Variants in TDO2 observed in about 807,000 individuals in gnomAD.
TDO2 encodes tryptophan 2,3-dioxygenase, also known as tryptamin 2,3-dioxygenase.
A neutral mutation model predicts 61.2 loss-of-function variants in TDO2; 63 were observed. That is an observed-to-expected ratio of 1.03 (90% confidence interval 0.84 to 1.27). TDO2 has a LOEUF of 1.27. TDO2 is among the 50% of genes most tolerant of loss of function. The probability of loss-of-function intolerance (pLI) is 0.00; values close to 1 mark genes in which losing one functional copy is unlikely to be tolerated. For synonymous variants in TDO2, 183 were observed against 164.0 expected (o/e 1.12, Z -0.89); for missense variants, 494 against 469.5 (o/e 1.05, Z -0.48).
intron 11 of TDO2, among the ~76,000 whole-genome samples, chr4:155,918,492 C>T (rs1444772269): frequency 6.6e-6 from 1 of 152,164 alleles, no homozygotes; most frequent in African/African-American, 2.4e-5. Flanking sequence ...TGTGAGGACA[C>T]AAAGGGTTTA....
In TDO2 at chr4:155,920,008, A is replaced by C; in HGVS notation, c.*18A>C. On this transcript the variant is annotated 3_prime_UTR_variant, in exon 12 of 12. Transcript: ENST00000536354. ...CAGATTAAAATCGTCTGCAAAATCT[A>C]TGAAGAATACTGGTTTCACAGCCTA... 1 of 1,609,340 alleles carries C rather than the reference A, an allele frequency of 6.2e-7. No individual in the cohort carries two copies. The highest frequency in any genetic ancestry group is 8.5e-7 in the Non-Finnish European group (1 of 1,177,666).
chr4:155,916,324 C>T (rs1298919181), intron 9 of TDO2, among the ~76,000 whole-genome samples: 3 of 141,804 alleles, frequency 2.1e-5, no homozygotes, highest in East Asian at 2.0e-4. Context: ...CCCACCACCA[C>T]GCCAGGCTAA....
Position 155,910,033 on chromosome 4 carries a change from T to A in TDO2, c.440T>A (p.Leu147Ter). The change falls in exon 6 of 12, where the codon TTA becomes TAA. Residue 147 changes from leucine to a stop codon, truncating the protein, a stop_gained. Coordinates refer to ENST00000536354, the MANE Select transcript of TDO2 (RefSeq NM_005651.4). LOFTEE classifies it high-confidence loss of function. ...ALDFNDFREY[L>*]SPASGFQSLQ... ...ACCATTTAATCTCAAAGAGAGTACT[T>A]ATCTCCAGCATCAGGCTTCCAGAGT... 6.4e-7 allele frequency: 1 copy of A among 1,564,498 alleles called. No individual in the cohort carries two copies. The highest frequency in any genetic ancestry group is 2.0e-5 in the Admixed American group (1 of 49,506).
chr4:155,909,872 TCCTCTCCCCTCCCCTCCCCTCCCCTCC>T (rs1560776343), intron 5 of TDO2, among the ~76,000 whole-genome samples, 126 bp from the exon 6 acceptor site: 63 of 35,328 alleles, frequency 1.8e-3, no homozygotes, highest in Non-Finnish European at 2.5e-3. Context: ...TCCTCTGGAC[TCCTCTCCCCTCCCCTCCCCTCCCCTCC>T]CCTCTCCCCT....
chr4:155,907,810 A>C lies in TDO2; in HGVS notation c.303+18A>C. On this transcript the variant is annotated intron_variant, in intron 4 of 11. Transcript: ENST00000536354. ...ATGGCCATGTAAGTTCTTATGTCAC[A>C]ATATTGGTTTCATGTATATTTTTGG... 6.3e-7 allele frequency: 1 copy of C among 1,591,574 alleles called. No homozygotes were observed. The highest frequency in any genetic ancestry group is 8.6e-7 in the Non-Finnish European group (1 of 1,161,852).
chr4:155,915,395 C>A (rs1742913122), intron 8 of TDO2, among the ~76,000 whole-genome samples: 1 of 152,136 alleles, frequency 6.6e-6, no homozygotes, highest in South Asian at 2.1e-4. Context: ...GGGAGAAAGT[C>A]TTTCATTAGA....
chr4:155,913,682 A>C (rs759073571), intron 7 of TDO2, among the ~76,000 whole-genome samples: 26 of 152,136 alleles, frequency 1.7e-4, no homozygotes, highest in Non-Finnish European at 3.2e-4. Flanking sequence ...AATTTGAAAT[A>C]ATATGCATAT....
At chr4:155,907,321 C>T (rs1450418517) in intron 3 of TDO2, 2 of 157,892 alleles carry the variant, frequency 1.3e-5, no homozygotes, top group Non-Finnish European at 2.8e-5. Context: ...TACAGTCTTT[C>T]ATTTAGGTTA....
rs932719537 is a variant in TDO2 at position 155,917,890 on chromosome 4, A to G, written c.977-259A>G. 2.0e-5 allele frequency among the ~76,000 whole-genome samples: 3 copies of G among 152,122 alleles called. No homozygotes were observed. In the East Asian group the frequency reaches 5.8e-4, roughly 29 times the overall value. On this transcript the variant is annotated intron_variant, in intron 10 of 11. Coordinates refer to ENST00000536354, the MANE Select transcript of TDO2 (RefSeq NM_005651.4). ...GTGGCATGGACTCATGAGTCATATT[A>G]TGATCCTGGTCTCTTCTATTGTATC... is the stretch of plus-strand genomic sequence containing the variant.
chr4:155,909,198 C>G (rs1268558986), intron 5 of TDO2, among the ~76,000 whole-genome samples, 184 bp downstream of exon 5: 1 of 152,066 alleles, frequency 6.6e-6, no homozygotes, highest in East Asian at 1.9e-4. Flanking sequence ...TTTTATTATT[C>G]ATTTTTACAT....
chr4:155,907,905 A>G (rs1224328109), intron 4 of TDO2, 113 bp downstream of exon 4: 1 of 712,720 alleles, frequency 1.4e-6, no homozygotes, highest in African/African-American at 1.8e-5. Context: ...TTTTAATGAT[A>G]GAACAAACAG....
chr4:155,918,287 T>C, intron 11 of TDO2, 48 bp downstream of exon 11: 1 of 1,575,080 alleles, frequency 6.3e-7, no homozygotes, highest in Non-Finnish European at 8.7e-7. Context: ...CACCAACAAT[T>C]TGTTTCTCCA....
At chr4:155,905,475 A>G (rs988898796) in intron 3 of TDO2, 3 of 234,748 alleles carry the variant, frequency 1.3e-5, no homozygotes, top group Admixed American at 5.9e-5. Context: ...TCGGAACACT[A>G]AAAAACTATT....
At chr4:155,914,590 T>A (rs1742896589) in intron 8 of TDO2, among the ~76,000 whole-genome samples, 156 bp downstream of exon 8, 1 of 152,170 alleles carries the variant, frequency 6.6e-6, no homozygotes, top group Admixed American at 6.5e-5. Context: ...TTTTTGGTGA[T>A]AAACCTATTT....
At chr4:155,909,844 CTCTCT>C (rs1428444318) in intron 5 of TDO2, among the ~76,000 whole-genome samples, 176 bp from the exon 6 acceptor site, 1 of 131,416 alleles carries the variant, frequency 7.6e-6, no homozygotes. Flanking sequence ...CTCTCCTCTC[CTCTCT>C]TCTCCTCTCC....
intron 3 of TDO2, chr4:155,907,067 G>A (rs1487108393): frequency 1.3e-5 from 2 of 152,128 alleles, no homozygotes; most frequent in East Asian, 1.9e-4. Flanking sequence ...AATAAACCTT[G>A]GACTCATGGA....
chr4:155,903,703 T>C lies in TDO2; in HGVS notation c.-56T>C, dbSNP rs1742665813. 2 of 1,605,300 alleles carry C rather than the reference T, an allele frequency of 1.2e-6. No individual in the cohort carries two copies. The highest frequency in any genetic ancestry group is 8.5e-7 in the Non-Finnish European group (1 of 1,172,114). The stretch of plus-strand genomic sequence containing the variant: ...GCTGTAGAACATCTGGGAAGGTCAA[T>C]GATAGCATCTGCCTAGAGTCAAACC... On this transcript the variant is annotated 5_prime_UTR_variant, in exon 1 of 12. The change abolishes an upstream ATG in the 5' untranslated region. Transcript: ENST00000536354.
chr4:155,909,084 A>C (rs1742771207), intron 5 of TDO2, 70 bp downstream of exon 5: 1 of 1,464,364 alleles, frequency 6.8e-7, no homozygotes, highest in African/African-American at 1.4e-5. Flanking sequence ...TAAAAGCAGC[A>C]TGTGTGTGTT....
At position 155,907,796 on chromosome 4, in the gene TDO2, A is replaced by G. The variant is rs753461064; in HGVS notation, c.303+4A>G. ...AGAGATCTTTCAGAATGGCCATGTA[A>G]GTTCTTATGTCACAATATTGGTTTC... On this transcript the variant is annotated splice_donor_region_variant and intron_variant, in intron 4 of 11. Transcript: ENST00000536354. 89 of 1,608,980 alleles carry G rather than the reference A, an allele frequency of 5.5e-5. No individual in the cohort carries two copies. Among genetic ancestry groups the G allele is most frequent in the Non-Finnish European group, 7.0e-5 (82 of 1,176,326 alleles).
Sources: allele counts gnomAD v4.1 joint callset (sites outside exome capture counted in the v4.1 genomes callset), GRCh38; gene constraint gnomAD v4.1.1; transcripts MANE v1.5; gene names NCBI Gene and HGNC (gene_info 2026-07-23, HGNC 2026-07-21).